Variants in GRID2 observed in about 807,000 individuals in gnomAD.
GRID2 encodes the protein glutamate receptor ionotropic, delta-2.
Under a neutral mutation model 114.8 loss-of-function variants are expected in GRID2, and 33 were observed. That is an observed-to-expected ratio of 0.29 (90% confidence interval 0.22 to 0.38). The LOEUF (loss-of-function observed/expected upper bound fraction) is 0.38. Ranked by LOEUF, GRID2 falls within the 10% of genes least tolerant of loss-of-function variation. GRID2 has a pLI of 1.00. For missense variants in GRID2, 1,184 were observed against 1,257.7 expected (o/e 0.94, Z 0.89); for synonymous variants, 505 against 449.9 (o/e 1.12, Z -1.55).
At chr4:93,594,822 GCCGT>G (rs1738885766) in intron 13 of GRID2, among the ~76,000 whole-genome samples, 1 of 152,172 alleles carries the variant, frequency 6.6e-6, no homozygotes, top group Non-Finnish European at 1.5e-5. Context: ...TTTTCCAGGT[GCCGT>G]CCATCACCCC....
At chr4:93,444,639 G>A (rs1379744826) in intron 10 of GRID2, among the ~76,000 whole-genome samples, 2 of 151,946 alleles carry the variant, frequency 1.3e-5, no homozygotes, top group African/African-American at 2.4e-5. Flanking sequence ...GTAAATTAGA[G>A]TACCTTCATA....
At chr4:92,986,676 T>C (rs1369437778) in intron 2 of GRID2, among the ~76,000 whole-genome samples, 2 of 152,196 alleles carry the variant, frequency 1.3e-5, no homozygotes, top group East Asian at 1.9e-4. Flanking sequence ...TGCACTGTAT[T>C]TGCAACTTTC....
chr4:93,603,904 T>C (rs1235780558), intron 13 of GRID2, among the ~76,000 whole-genome samples: 1 of 152,136 alleles, frequency 6.6e-6, no homozygotes, highest in Non-Finnish European at 1.5e-5. Flanking sequence ...AAAAAAACTT[T>C]CAAAATATGA....
intron 1 of GRID2, among the ~76,000 whole-genome samples, chr4:92,558,790 A>ATTTCATAAGTATTTTTTGT (rs200211970): frequency 0.051 from 7,686 of 152,154 alleles, 255 homozygotes; most frequent in Middle Eastern, 0.13. Context: ...CCAAGGGCAC[A>ATTTCATAAGTATTTTTTGT]TTTCATAAGT....
intron 14 of GRID2, among the ~76,000 whole-genome samples, chr4:93,705,535 A>T (rs974831838): frequency 6.6e-6 from 1 of 151,196 alleles, no homozygotes; most frequent in East Asian, 1.9e-4. Context: ...TGATTAATCG[A>T]TATTTTCCTA....
At chr4:92,981,291 A>G (rs1227900067) in intron 2 of GRID2, among the ~76,000 whole-genome samples, 1 of 152,088 alleles carries the variant, frequency 6.6e-6, no homozygotes, top group Admixed American at 6.5e-5. Context: ...TAAAACATTA[A>G]AATCACTGCC....
intron 8 of GRID2, among the ~76,000 whole-genome samples, chr4:93,299,427 C>T (rs552578228): frequency 6.0e-5 from 9 of 149,742 alleles, no homozygotes; most frequent in Middle Eastern, 3.2e-3. Flanking sequence ...CTGTTTGAAA[C>T]GGGGAAAAAA....
In GRID2 at chr4:92,932,652, G is replaced by A. The variant is rs571725219; in HGVS notation, c.245-152343G>A. 7.3e-4 allele frequency among the ~76,000 whole-genome samples: 111 copies of A among 151,262 alleles called. 1 individual carries two copies. Among genetic ancestry groups the A allele is most frequent in the Non-Finnish European group, 1.1e-3 (76 of 67,426 alleles). On this transcript the variant is annotated intron_variant, in intron 2 of 15. Coordinates refer to ENST00000282020, the MANE Select transcript of GRID2 (RefSeq NM_001510.4). ...ATTTAATTCATATTAGCCAGTACCT[G>A]CAACAGCTCAAGTGGCCCAAAATAG...
chr4:93,100,984 G>A (rs2149340226), intron 3 of GRID2, among the ~76,000 whole-genome samples: 1 of 152,138 alleles, frequency 6.6e-6, no homozygotes, highest in East Asian at 1.9e-4. Flanking sequence ...CTGTAATACA[G>A]TCTGTGGTAT....
intron 1 of GRID2, among the ~76,000 whole-genome samples, chr4:93,790,579 GCT>G (rs1734676079): frequency 6.8e-6 from 1 of 148,104 alleles, no homozygotes; most frequent in Non-Finnish European, 1.5e-5. Flanking sequence ...ACAGAGTCTT[GCT>G]CTGTCGCCAG....
intron 13 of GRID2, among the ~76,000 whole-genome samples, chr4:93,603,984 A>T (rs182224030): frequency 1.3e-5 from 2 of 152,336 alleles, no homozygotes; most frequent in Non-Finnish European, 2.9e-5. Context: ...CAATGTTTTC[A>T]TGCCTGCTAA....
intron 13 of GRID2, among the ~76,000 whole-genome samples, chr4:93,590,054 T>A (rs1157750886): frequency 4.6e-5 from 7 of 150,554 alleles, no homozygotes; most frequent in Non-Finnish European, 1.0e-4. Flanking sequence ...GCTCTTTAGT[T>A]TAATTAGATC....
At chr4:92,638,643 G>A (rs1361295786) in intron 2 of GRID2, among the ~76,000 whole-genome samples, 3 of 149,984 alleles carry the variant, frequency 2.0e-5, no homozygotes, top group East Asian at 3.9e-4. Context: ...GGAAATAAGA[G>A]TGAAAGATAA....
chr4:93,796,547 GTT>G lies in GRID2; in HGVS notation c.222-10166_222-10165del, dbSNP rs569734701. On this transcript the variant is annotated intron_variant, in intron 1 of 1. Transcript: ENST00000637838. ...GGAAATGTACTTCTTTTGTTTGTTTGTTTGTTTGTTTTTTGAGACGGAGTCTT... is the reference window on the plus strand; with the variant it reads ...GGAAATGTACTTCTTTTGTTTGTTTGTGTTTGTTTTTTGAGACGGAGTCTT... Among the ~76,000 whole-genome samples, 559 of 152,072 alleles carry G rather than the reference GTT, an allele frequency of 3.7e-3. 5 individuals are homozygous for G. Among genetic ancestry groups the G allele is most frequent in the Middle Eastern group, 6.8e-3 (2 of 294 alleles).
chr4:92,323,308 G>C (rs913831813), intron 1 of GRID2, among the ~76,000 whole-genome samples: 3 of 152,018 alleles, frequency 2.0e-5, no homozygotes, highest in Admixed American at 1.3e-4. Context: ...AAGGCTATTT[G>C]TTATAGATAA....
intron 1 of GRID2, among the ~76,000 whole-genome samples, chr4:92,481,981 GATA>G (rs1722618393): frequency 2.1e-5 from 1 of 47,242 alleles, no homozygotes; most frequent in East Asian, 1.1e-3. Context: ...AATAAAATGT[GATA>G]TATATATATA....
At chr4:92,627,282 T>C (rs1730572124) in intron 2 of GRID2, among the ~76,000 whole-genome samples, 1 of 152,126 alleles carries the variant, frequency 6.6e-6, no homozygotes, top group Non-Finnish European at 1.5e-5. Context: ...TCCAATTTCA[T>C]AGTAGACTTT....
intron 14 of GRID2, among the ~76,000 whole-genome samples, chr4:93,726,739 T>C (rs1479633873): frequency 2.0e-5 from 3 of 152,148 alleles, no homozygotes. Flanking sequence ...TTTATTCTCT[T>C]TGAAGCAATT....
intron 4 of GRID2, among the ~76,000 whole-genome samples, chr4:93,126,849 G>A (rs988447695): frequency 6.6e-6 from 1 of 151,704 alleles, no homozygotes; most frequent in Non-Finnish European, 1.5e-5. Flanking sequence ...CGCCCGCCTC[G>A]GCCTCCCAAA....
Sources: gnomAD v4.1 joint callset for allele counts (sites outside exome capture counted in the v4.1 genomes callset) on GRCh38, gnomAD v4.1.1 for gene constraint, MANE v1.5 for transcripts, NCBI Gene and HGNC (gene_info 2026-07-23, HGNC 2026-07-21) for gene names.